KCMF1: variants seen among roughly 807,000 people sequenced by gnomAD.
KCMF1 encodes E3 ubiquitin-protein ligase KCMF1.
A neutral mutation model predicts 41.1 loss-of-function variants in KCMF1; 3 were observed. The observed-to-expected ratio is 0.07, with a 90% CI of 0.03 to 0.19. The LOEUF (loss-of-function observed/expected upper bound fraction) is 0.19, where lower values mean the gene tolerates loss of function less well. Among genes scored for constraint, KCMF1 ranks in the 10% least tolerant of loss-of-function variants. The pLI, the probability that KCMF1 is intolerant of heterozygous loss-of-function variation, is 1.00. For synonymous variants in KCMF1, 142 were observed against 164.5 expected (o/e 0.86, Z 1.04); for missense variants, 286 against 488.9 (o/e 0.58, Z 3.91).
chr2:85,031,066 C>A (rs917044091), intron 2 of KCMF1, among the ~76,000 whole-genome samples: 12 of 152,202 alleles, frequency 7.9e-5, no homozygotes, highest in Admixed American at 5.2e-4. Context: ...GCTTTGAAAT[C>A]AAGAAGAGTG....
At chr2:85,006,474 G>C (rs1674476233) in intron 1 of KCMF1, among the ~76,000 whole-genome samples, 1 of 151,166 alleles carries the variant, frequency 6.6e-6, no homozygotes, top group African/African-American at 2.4e-5. Flanking sequence ...CTAATTTTTT[G>C]TATTTTTAGT....
At chr2:85,014,393 A>C (rs1302323123) in intron 1 of KCMF1, among the ~76,000 whole-genome samples, 1 of 152,210 alleles carries the variant, frequency 6.6e-6, no homozygotes, top group Non-Finnish European at 1.5e-5. Context: ...GCAACCCTTT[A>C]TCTTAATCAC....
intron 6 of KCMF1, among the ~76,000 whole-genome samples, chr2:85,051,738 T>G (rs1675812905): frequency 6.6e-6 from 1 of 152,226 alleles, no homozygotes; most frequent in Admixed American, 6.5e-5. Flanking sequence ...TTACTTATGT[T>G]CTTCCACCCC....
At chr2:85,012,835 G>C (rs767147622) in intron 1 of KCMF1, among the ~76,000 whole-genome samples, 1 of 152,184 alleles carries the variant, frequency 6.6e-6, no homozygotes, top group Non-Finnish European at 1.5e-5. Flanking sequence ...TAATTTAACA[G>C]TTGACGGTAG....
chr2:85,040,194 G>C (rs894231121), intron 3 of KCMF1, among the ~76,000 whole-genome samples: 1 of 152,136 alleles, frequency 6.6e-6, no homozygotes, highest in African/African-American at 2.4e-5. Context: ...ACAAGTTGTT[G>C]TAATTTTAAG....
At chr2:85,018,267 A>ATTTTTTT (rs373718008) in intron 1 of KCMF1, among the ~76,000 whole-genome samples, 1 of 126,888 alleles carries the variant, frequency 7.9e-6, no homozygotes. Flanking sequence ...ACTAAGCTAG[A>ATTTTTTT]TTTTTTTTTT....
In KCMF1 at chr2:85,053,599, G is replaced by GGTAAAT; in HGVS notation, c.*194_*199dup. 1.6e-6 allele frequency: 1 copy of GGTAAAT among 642,874 alleles called. No homozygotes were observed. The highest frequency in any genetic ancestry group is 2.6e-6 in the Non-Finnish European group (1 of 383,480). 39.8% of individuals were successfully genotyped at this position (642,874 alleles called of 1,614,324 possible). ...ACTTAACTAATTTTTACTTCTAGCA[G>GGTAAAT]GTAAATGTAGGTAGCAGTGCAGGGG... On this transcript the variant is annotated 3_prime_UTR_variant, in exon 7 of 7. Coordinates refer to ENST00000409785, the MANE Select transcript of KCMF1 (RefSeq NM_020122.5).
chr2:85,038,466 C>G (rs1184917157), intron 3 of KCMF1, among the ~76,000 whole-genome samples: 1 of 152,164 alleles, frequency 6.6e-6, no homozygotes, highest in African/African-American at 2.4e-5. Context: ...CCAAGCAAAA[C>G]TTGAATTTCA....
chr2:85,024,555 A>AGT (rs1675038573), intron 1 of KCMF1, among the ~76,000 whole-genome samples: 1 of 106,582 alleles, frequency 9.4e-6, no homozygotes, highest in Non-Finnish European at 1.9e-5. Context: ...TTGGAGAGTG[A>AGT]GAGAGAGAGA....
At chr2:84,975,869 A>G (rs1673532155) in intron 1 of KCMF1, among the ~76,000 whole-genome samples, 1 of 152,228 alleles carries the variant, frequency 6.6e-6, no homozygotes, top group East Asian at 1.9e-4. Flanking sequence ...GAAATCATGA[A>G]TGTTCTTGCA....
At position 85,036,652 on chromosome 2, in the gene KCMF1, C is replaced by T. The variant is rs1039184415; in HGVS notation, c.324+1497C>T. 9.9e-5 allele frequency among the ~76,000 whole-genome samples: 15 copies of T among 151,786 alleles called. No homozygotes were observed. The South Asian group carries it at 1.9e-3, about 19-fold the overall frequency. ...CCACAAAATTTAAAAATTAGCTGGA[C>T]GTGGTGGCACATACCTGTGGTCCCA... On this transcript the variant is annotated intron_variant, in intron 3 of 6. Transcript: ENST00000409785.
intron 2 of KCMF1, among the ~76,000 whole-genome samples, chr2:85,033,737 CA>C (rs1230203002): frequency 6.6e-6 from 1 of 152,206 alleles, no homozygotes; most frequent in Non-Finnish European, 1.5e-5. Context: ...GATGAAGCCA[CA>C]GCATGAGCTT....
intron 1 of KCMF1, among the ~76,000 whole-genome samples, chr2:84,980,468 T>C (rs1673702849): frequency 6.6e-6 from 1 of 152,208 alleles, no homozygotes; most frequent in South Asian, 2.1e-4. Flanking sequence ...ATGAATTGCC[T>C]TGTTAGGCAC....
Position 85,009,124 on chromosome 2 carries a change from G to A in KCMF1, c.17-18765G>A, listed in dbSNP as rs538170990. On this transcript the variant is annotated intron_variant, in intron 1 of 6. Transcript: ENST00000409785. ...TGTAATCCTCATATGTCAGTGGGAG[G>A]TGATTGAATCATGGGGGCAGACTTC... is the stretch of plus-strand genomic sequence containing the variant. 2.8e-3 allele frequency among the ~76,000 whole-genome samples: 433 copies of A among 152,236 alleles called. 2 individuals are homozygous for A. Among genetic ancestry groups the A allele is most frequent in the African/African-American group, 9.3e-3 (388 of 41,544 alleles).
chr2:84,971,486 C>T lies in KCMF1; in HGVS notation c.16+19C>T. 1 of 1,242,032 alleles carries T rather than the reference C, an allele frequency of 8.1e-7. No homozygotes were observed. The allele number at this position is 1,242,032 out of a possible 1,614,324, so 76.9% of individuals were successfully genotyped here. A position where few individuals can be genotyped will look rare whatever the true frequency, so the allele number is the denominator to read the frequency against. On this transcript the variant is annotated intron_variant, in intron 1 of 6. Coordinates refer to ENST00000409785, the MANE Select transcript of KCMF1 (RefSeq NM_020122.5). Reference sequence around the variant, plus strand: ...CATGAAGGTGAGAGGAGCCCCCGCCCCCACCCGCACCTCCCGGGCCTCGGC... The same window carrying T: ...CATGAAGGTGAGAGGAGCCCCCGCCTCCACCCGCACCTCCCGGGCCTCGGC...
intron 1 of KCMF1, among the ~76,000 whole-genome samples, chr2:84,997,173 C>T (rs1025127892): frequency 8.5e-5 from 13 of 152,186 alleles, no homozygotes; most frequent in African/African-American, 2.9e-4. Context: ...AGGTTTGCAA[C>T]TTAGTTTCAC....
chr2:85,035,279 T>G, intron 3 of KCMF1, 124 bp downstream of exon 3: 1 of 899,718 alleles, frequency 1.1e-6, no homozygotes, highest in Non-Finnish European at 1.6e-6. Flanking sequence ...TGCATAGTTA[T>G]TAAAATCATC....
intron 1 of KCMF1, among the ~76,000 whole-genome samples, chr2:84,985,875 T>G (rs1367544503): frequency 2.6e-5 from 4 of 151,826 alleles, no homozygotes; most frequent in African/African-American, 9.7e-5. Context: ...TCTACATACA[T>G]TAGCAGCTCT....
chr2:85,028,379 T>A (rs1675167150), intron 2 of KCMF1, among the ~76,000 whole-genome samples: 1 of 151,762 alleles, frequency 6.6e-6, no homozygotes, highest in Non-Finnish European at 1.5e-5. Context: ...GAGACAGGGT[T>A]TCACCACGTT....
Sources: allele counts gnomAD v4.1 joint callset (sites outside exome capture counted in the v4.1 genomes callset), GRCh38; gene constraint gnomAD v4.1.1; transcripts MANE v1.5; gene names NCBI Gene and HGNC (gene_info 2026-07-23, HGNC 2026-07-21).